The following NUP35 variants were observed in gnomAD, a reference collection of about 807,000 sequenced individuals.
NUP35 encodes the protein nucleoporin NUP35.
NUP35 carries 25 observed loss-of-function variants against 41.5 expected under a neutral mutation model. The observed-to-expected ratio is 0.60, with a 90% CI of 0.44 to 0.84. The LOEUF (loss-of-function observed/expected upper bound fraction) is 0.84, where lower values mean the gene tolerates loss of function less well. Among genes scored for constraint, NUP35 ranks in the 40% least tolerant of loss-of-function variants. NUP35 has a pLI of 0.00. For missense variants in NUP35, 396 were observed against 396.6 expected, an observed-to-expected ratio of 1.00 and a Z score of 0.01; for synonymous variants, 149 against 130.7, an observed-to-expected ratio of 1.14 and a Z score of -0.96.
intron 4 of NUP35, among the ~76,000 whole-genome samples, chr2:183,139,005 T>A (rs1306379076): frequency 3.3e-5 from 5 of 152,136 alleles, no homozygotes. Flanking sequence ...CTTTATTACC[T>A]GATTATGAAC....
rs569442082 is a variant in NUP35 at position 183,151,537 on chromosome 2, G to A, written c.427G>A (p.Gly143Ser). ...GQSMFSPASI[G>S]QPRKTTLSPA... ...AAGTATGTTTAGTCCAGCAAGTATC[G>A]GTCAGCCACGAAAGACGACATTATC... Residue 143 changes from glycine (G) to serine (S), a missense_variant, in exon 5 of 9, where the codon GGT becomes AGT. Gly to Ser is a moderately conservative substitution (Grantham distance 56). Coordinates refer to ENST00000295119, the MANE Select transcript of NUP35 (RefSeq NM_138285.5). 1.6e-5 allele frequency: 26 copies of A among 1,613,864 alleles called. No individual in the cohort carries two copies. The highest frequency in any genetic ancestry group is 9.9e-5 in the South Asian group (9 of 91,062).
At chr2:183,147,105 C>T (rs1294836244) in intron 4 of NUP35, among the ~76,000 whole-genome samples, 1 of 152,010 alleles carries the variant, frequency 6.6e-6, no homozygotes, top group Non-Finnish European at 1.5e-5. Flanking sequence ...TTACAGATGC[C>T]TTTGTTGGAT....
chr2:183,148,556 T>A (rs1036363954), intron 4 of NUP35, among the ~76,000 whole-genome samples: 1 of 152,236 alleles, frequency 6.6e-6, no homozygotes, highest in Non-Finnish European at 1.5e-5. Context: ...TTTGTGATGT[T>A]GAGCATTTTT....
chr2:183,124,360 A>AC (rs900127336), upstream of NUP35: 287 of 1,601,788 alleles, frequency 1.8e-4, no homozygotes, highest in Non-Finnish European at 2.3e-4. Flanking sequence ...AAGTTACGCA[A>AC]CCCCATAAGG....
chr2:183,150,148 G>T (rs113740689), intron 4 of NUP35, among the ~76,000 whole-genome samples: 1 of 152,108 alleles, frequency 6.6e-6, no homozygotes, highest in South Asian at 2.1e-4. Flanking sequence ...GTCATGATCC[G>T]CTCGCCTTGG....
intron 4 of NUP35, among the ~76,000 whole-genome samples, chr2:183,146,758 G>A (rs938023483): frequency 7.2e-5 from 11 of 151,886 alleles, no homozygotes; most frequent in African/African-American, 1.9e-4. Context: ...CACCATGCCC[G>A]GCTAGTTTTT....
intron 1 of NUP35, among the ~76,000 whole-genome samples, chr2:183,127,298 A>G (rs1326394926): frequency 1.3e-5 from 2 of 150,704 alleles, no homozygotes; most frequent in Admixed American, 1.3e-4. Context: ...TTTTTTAAAT[A>G]AAAAAGATGA....
chr2:183,138,265 ATATATTTTT>A lies in NUP35; in HGVS notation c.397+4644_397+4652del, dbSNP rs1206226877. Among the ~76,000 whole-genome samples the A allele has an allele frequency of 6.1e-4, 42 of 69,190 alleles. 1 individual carries two copies. Among genetic ancestry groups the A allele is most frequent in the East Asian group, 2.0e-3 (6 of 2,960 alleles). 45.4% of individuals were successfully genotyped at this position (69,190 alleles called of 152,430 possible). A position where few individuals can be genotyped will look rare whatever the true frequency, so the allele number is the denominator to read the frequency against. ...TAGAGCTATATATATATATATATAT[ATATATTTTT>A]TTTTTTTTTTAGCTCCTGTATTTAG... On this transcript the variant is annotated intron_variant, in intron 4 of 8. Transcript: ENST00000295119.
chr2:183,124,797 A>G (rs1456852131), intron 1 of NUP35, among the ~76,000 whole-genome samples: 2 of 151,824 alleles, frequency 1.3e-5, no homozygotes, highest in Non-Finnish European at 2.9e-5. Context: ...CCATACCTTA[A>G]CCTCCTTCTG....
chr2:183,157,324 C>G, intron 5 of NUP35, 120 bp from the exon 6 acceptor site: 1 of 774,810 alleles, frequency 1.3e-6, no homozygotes, highest in Non-Finnish European at 2.3e-6. Context: ...ATGATCAGCA[C>G]TCTCCTGTTA....
chr2:183,158,898 A>G (rs1030197246), intron 7 of NUP35, among the ~76,000 whole-genome samples: 1 of 152,194 alleles, frequency 6.6e-6, no homozygotes, highest in African/African-American at 2.4e-5. Flanking sequence ...TACTCATTAA[A>G]TAGTACAGAG....
chr2:183,150,338 G>A (rs946915734), intron 4 of NUP35, among the ~76,000 whole-genome samples: 8 of 152,022 alleles, frequency 5.3e-5, no homozygotes, highest in African/African-American at 1.4e-4. Context: ...TTCATGATCC[G>A]GCATATTGCT....
intron 4 of NUP35, among the ~76,000 whole-genome samples, chr2:183,139,210 TTC>T (rs566789574): frequency 0.17 from 10,485 of 62,640 alleles, 1,279 homozygotes; most frequent in African/African-American, 0.39. Context: ...ATTTCTTTCT[TTC>T]TTTTTTTTTT....
intron 5 of NUP35, among the ~76,000 whole-genome samples, chr2:183,154,847 C>G (rs553294609): frequency 6.6e-6 from 1 of 152,172 alleles, no homozygotes; most frequent in African/African-American, 2.4e-5. Context: ...AAAGACATAC[C>G]TGAGACAGGG....
intron 1 of NUP35, among the ~76,000 whole-genome samples, chr2:183,125,711 G>A (rs911063469): frequency 6.6e-6 from 1 of 152,136 alleles, no homozygotes; most frequent in Non-Finnish European, 1.5e-5. Flanking sequence ...GGTTACAAAT[G>A]TGAGTAAACC....
chr2:183,122,390 T>TC (rs377567825), upstream of NUP35, among the ~76,000 whole-genome samples: 2 of 152,246 alleles, frequency 1.3e-5, no homozygotes, highest in African/African-American at 4.8e-5. Context: ...CAAATCTTTT[T>TC]CAACATCTTC....
intron 4 of NUP35, among the ~76,000 whole-genome samples, chr2:183,138,982 G>A (rs1305915777): frequency 6.6e-6 from 1 of 151,800 alleles, no homozygotes; most frequent in Non-Finnish European, 1.5e-5. Flanking sequence ...CTCTCTGTTT[G>A]GCTCTCATCT....
At chr2:183,133,532 A>C (rs776738143) in intron 3 of NUP35, 34 bp from the exon 4 acceptor site, 2 of 1,570,864 alleles carry the variant, frequency 1.3e-6, no homozygotes, top group Non-Finnish European at 1.7e-6. Context: ...TATGTTTTGC[A>C]TTTTTACCAT....
intron 8 of NUP35, chr2:183,160,243 ACTTGTG>A (rs1370350411): frequency 6.6e-6 from 1 of 152,290 alleles, no homozygotes; most frequent in Non-Finnish European, 1.5e-5. Flanking sequence ...TACATGAAAC[ACTTGTG>A]CTTTAGTAGG....
Sources: gnomAD v4.1 joint callset for allele counts (sites outside exome capture counted in the v4.1 genomes callset) on GRCh38, gnomAD v4.1.1 for gene constraint, MANE v1.5 for transcripts, NCBI Gene and HGNC (gene_info 2026-07-23, HGNC 2026-07-21) for gene names.